Variants in FOXP1 observed in about 807,000 individuals in gnomAD.
The protein encoded by FOXP1 is forkhead box P1, also known as forkhead box protein P1.
A neutral mutation model predicts 98.2 loss-of-function variants in FOXP1; 15 were observed. The ratio of observed to expected loss-of-function variants is 0.15; its 90% confidence interval spans 0.10 to 0.24. The LOEUF (loss-of-function observed/expected upper bound fraction) is 0.24. FOXP1 is among the 10% of genes least tolerant of loss of function. The pLI is 1.00. For missense variants in FOXP1, 633 were observed against 848.5 expected (o/e 0.75, Z 3.15); for synonymous variants, 371 against 314.5 (o/e 1.18, Z -1.90).
chr3:71,367,633 AAAC>A (rs1278050740), intron 3 of FOXP1, among the ~76,000 whole-genome samples: 1 of 152,136 alleles, frequency 6.6e-6, no homozygotes, highest in Non-Finnish European at 1.5e-5. Context: ...AAAAATCCAA[AAAC>A]AACAACAAAA....
At chr3:71,410,105 T>C (rs1215457836) in intron 3 of FOXP1, among the ~76,000 whole-genome samples, 3 of 152,226 alleles carry the variant, frequency 2.0e-5, no homozygotes, top group Non-Finnish European at 4.4e-5. Context: ...CTCCCTCACC[T>C]GTAAAATATG....
At chr3:71,202,690 T>G (rs2063750991) in intron 5 of FOXP1, among the ~76,000 whole-genome samples, 1 of 152,336 alleles carries the variant, frequency 6.6e-6, no homozygotes. Flanking sequence ...TGTAAAGTCC[T>G]GTGCTGGGTA....
At chr3:71,057,082 G>A (rs1380748742) in intron 7 of FOXP1, among the ~76,000 whole-genome samples, 1 of 152,094 alleles carries the variant, frequency 6.6e-6, no homozygotes, top group Non-Finnish European at 1.5e-5. Flanking sequence ...ATTTAATCCT[G>A]TGTTGAATGT....
intron 6 of FOXP1, among the ~76,000 whole-genome samples, chr3:71,133,212 C>A (rs1213704388): frequency 6.6e-6 from 1 of 152,186 alleles, no homozygotes; most frequent in Non-Finnish European, 1.5e-5. Flanking sequence ...TTTCTCATGG[C>A]CATTAGAAGT....
Position 70,958,196 on chromosome 3 carries a change from CAAAA to C in FOXP1, c.*1047_*1050del, listed in dbSNP as rs747818299. The stretch of plus-strand genomic sequence containing the variant: ...TGGTGGCATTTATTAATGGTTGCTG[CAAAA>C]AAAAAAAAAGAAAAGAAAAGAAAAA... On this transcript the variant is annotated 3_prime_UTR_variant, in exon 21 of 21. Transcript: ENST00000649528. 5.1e-5 allele frequency: 16 copies of C among 316,394 alleles called. No individual in the cohort carries two copies. Among genetic ancestry groups the C allele is most frequent in the Non-Finnish European group, 7.3e-5 (12 of 165,294 alleles). The allele number at this position is 316,394 out of a possible 1,614,324, so 19.6% of individuals were successfully genotyped here.
At chr3:71,157,946 G>C (rs2060905242) in intron 6 of FOXP1, among the ~76,000 whole-genome samples, 1 of 151,802 alleles carries the variant, frequency 6.6e-6, no homozygotes, top group Admixed American at 6.6e-5. Flanking sequence ...AAATTAGCCT[G>C]GTGTGGTGGT....
intron 5 of FOXP1, among the ~76,000 whole-genome samples, chr3:71,214,848 G>A (rs1427654790): frequency 6.6e-6 from 1 of 152,158 alleles, no homozygotes; most frequent in East Asian, 1.9e-4. Context: ...CCTTCCAGAG[G>A]AGACTAGTAC....
intron 7 of FOXP1, among the ~76,000 whole-genome samples, chr3:71,078,969 C>T (rs369319972): frequency 6.6e-6 from 1 of 152,144 alleles, no homozygotes; most frequent in East Asian, 1.9e-4. Context: ...TGCTATGGAA[C>T]TCCTGCACTA....
At chr3:71,558,353 G>A (rs1309193317) in intron 2 of FOXP1, among the ~76,000 whole-genome samples, 3 of 152,204 alleles carry the variant, frequency 2.0e-5, no homozygotes, top group Non-Finnish European at 2.9e-5. Flanking sequence ...ACTGGCTGTC[G>A]TGACTGGTTA....
intron 2 of FOXP1, among the ~76,000 whole-genome samples, chr3:71,509,549 A>C (rs1459433867): frequency 6.6e-6 from 1 of 152,168 alleles, no homozygotes; most frequent in East Asian, 1.9e-4. Context: ...CAGTGTATAC[A>C]TCATGGGGGG....
chr3:71,538,624 T>C (rs1407357794), intron 2 of FOXP1, among the ~76,000 whole-genome samples: 3 of 152,240 alleles, frequency 2.0e-5, no homozygotes, highest in East Asian at 3.8e-4. Flanking sequence ...TGAACATTTA[T>C]GTACAAGCTT....
chr3:71,258,991 A>G (rs970375041), intron 5 of FOXP1, among the ~76,000 whole-genome samples: 1 of 152,114 alleles, frequency 6.6e-6, no homozygotes, highest in African/African-American at 2.4e-5. Context: ...TAAAAATACA[A>G]AAAATTAGCT....
chr3:71,336,010 C>CAAAAAAAAAAAA (rs60051890), intron 4 of FOXP1, among the ~76,000 whole-genome samples: 1 of 34,090 alleles, frequency 2.9e-5, no homozygotes, highest in African/African-American at 1.5e-4. Context: ...AACTCCATCT[C>CAAAAAAAAAAAA]AAAAAAAAAA....
chr3:70,978,094 C>A, intron 14 of FOXP1, 65 bp from the exon 15 acceptor site: 2 of 1,350,988 alleles, frequency 1.5e-6, no homozygotes, highest in Non-Finnish European at 2.1e-6. Flanking sequence ...GGAACCACAT[C>A]TAGCAGGAGT....
At chr3:71,504,203 C>T (rs866673457) in intron 2 of FOXP1, among the ~76,000 whole-genome samples, 9 of 152,068 alleles carry the variant, frequency 5.9e-5, no homozygotes, top group Admixed American at 1.3e-4. Context: ...GGGGGATAAC[C>T]GAGAATTCCA....
At chr3:71,419,096 T>C (rs2083431754) in intron 3 of FOXP1, among the ~76,000 whole-genome samples, 1 of 151,228 alleles carries the variant, frequency 6.6e-6, no homozygotes, top group African/African-American at 2.4e-5. Context: ...ATTTGCCAGG[T>C]ATGGTGGTAG....
intron 5 of FOXP1, among the ~76,000 whole-genome samples, chr3:71,242,996 AG>A (rs1335412356): frequency 2.6e-5 from 4 of 152,182 alleles, no homozygotes; most frequent in African/African-American, 9.7e-5. Context: ...CATTATGTGC[AG>A]GGAGGATTCA....
At position 71,405,877 on chromosome 3, in the gene FOXP1, C is replaced by T. The variant is rs111804734; in HGVS notation, c.-167-46633G>A. Among the ~76,000 whole-genome samples the T allele has an allele frequency of 3.1e-3, 476 of 151,848 alleles. 3 individuals carry two copies. The highest frequency in any genetic ancestry group is 9.8e-3 in the African/African-American group (407 of 41,388). ...CCAAGTAGCTGGGATTACAGGTGCC[C>T]GCCCCAACGCCCGGCTAATTTTTTA... On this transcript the variant is annotated intron_variant, in intron 3 of 20. Transcript: ENST00000649528.
intron 5 of FOXP1, among the ~76,000 whole-genome samples, chr3:71,242,462 G>A (rs1483924555): frequency 2.0e-5 from 3 of 152,172 alleles, no homozygotes; most frequent in Non-Finnish European, 4.4e-5. Flanking sequence ...AATACATCAG[G>A]AGGTACAGCT....
Sources: gnomAD v4.1 joint callset for allele counts (sites outside exome capture counted in the v4.1 genomes callset) on GRCh38, gnomAD v4.1.1 for gene constraint, MANE v1.5 for transcripts, NCBI Gene and HGNC (gene_info 2026-07-23, HGNC 2026-07-21) for gene names.